Variants in COL4A3 observed in about 807,000 individuals in gnomAD.
COL4A3 encodes collagen type IV alpha 3 chain, also known as collagen alpha-3(IV) chain.
Under a neutral mutation model 217.4 loss-of-function variants are expected in COL4A3, and 135 were observed. The ratio of observed to expected loss-of-function variants is 0.62; its 90% CI spans 0.54 to 0.72. The LOEUF is 0.72. COL4A3 is among the 30% of genes least tolerant of loss of function. The pLI is 0.00. For missense variants in COL4A3, 1,868 were observed against 2,119.9 expected (o/e 0.88, Z 2.33); for synonymous variants, 690 against 736.3 (o/e 0.94, Z 1.02).
chr2:227,218,988 C>T (rs887636146), intron 1 of COL4A3, among the ~76,000 whole-genome samples: 11 of 145,948 alleles, frequency 7.5e-5, no homozygotes, highest in South Asian at 2.1e-4. Context: ...TCTCTATCCT[C>T]AGTCCCATTA....
chr2:227,313,010 A>G lies in COL4A3; in HGVS notation c.*1140A>G, dbSNP rs2073797888. The G allele has an allele frequency of 6.6e-6, 1 of 152,362 alleles. No homozygotes were observed. 9.4% of individuals were successfully genotyped at this position (152,362 alleles called of 1,614,324 possible). A position where few individuals can be genotyped will look rare whatever the true frequency, so the allele number is the denominator to read the frequency against. ...AAGAGTCCATTGTTTAAAAATCTTA[A>G]TGTATCAAACTGTATAACTTGGCCG... On this transcript the variant is annotated 3_prime_UTR_variant, in exon 52 of 52. Coordinates refer to ENST00000396578, the MANE Select transcript of COL4A3 (RefSeq NM_000091.5).
At chr2:227,188,225 T>TAAA (rs200780338) in intron 1 of COL4A3, among the ~76,000 whole-genome samples, 1 of 148,412 alleles carries the variant, frequency 6.7e-6, no homozygotes, top group African/African-American at 2.5e-5. Flanking sequence ...AAGGACTTTG[T>TAAA]AAAAAAAAAA....
chr2:227,198,290 T>A (rs2066558557), intron 1 of COL4A3, among the ~76,000 whole-genome samples: 1 of 152,240 alleles, frequency 6.6e-6, no homozygotes, highest in Non-Finnish European at 1.5e-5. Flanking sequence ...CAGGATTTAA[T>A]CAAGCTTGGA....
chr2:227,279,557 C>A, intron 28 of COL4A3: 1 of 510,764 alleles, frequency 2.0e-6, no homozygotes, highest in Non-Finnish European at 3.5e-6. Flanking sequence ...TGAAGAATTG[C>A]TGAATCAAAA....
At chr2:227,264,708 A>G (rs1263596917) in intron 21 of COL4A3, 1 of 152,202 alleles carries the variant, frequency 6.6e-6, no homozygotes, top group Non-Finnish European at 1.5e-5. Context: ...CTATAATCCC[A>G]GCTTCTTCCA....
At chr2:227,224,620 C>T (rs1318810808) in intron 1 of COL4A3, among the ~76,000 whole-genome samples, 5 of 151,966 alleles carry the variant, frequency 3.3e-5, no homozygotes, top group Non-Finnish European at 4.4e-5. Flanking sequence ...GGTGAGGTGG[C>T]GGCAGGCGCC....
In COL4A3 at chr2:227,241,274, T is replaced by C. The variant is rs548841050; in HGVS notation, c.234+1042T>C. 2.7e-4 allele frequency among the ~76,000 whole-genome samples: 41 copies of C among 152,318 alleles called. No individual in the cohort carries two copies. In the South Asian group the frequency reaches 6.6e-3, roughly 25 times the overall value. ...GCTTCTCACGCACCCACACATTCAT[T>C]CCCCTGACTACTGACCTCCAGCAAG... On this transcript the variant is annotated intron_variant, in intron 3 of 51. Transcript: ENST00000396578.
Position 227,314,591 on chromosome 2 carries a change from T to C in COL4A3, c.*2721T>C, listed in dbSNP as rs1046920267. ...ATGGCTAACTTACAAAGATTCTCTATGTATCAAATGTAACTTACTGCGACT... is the reference window on the plus strand; with the variant it reads ...ATGGCTAACTTACAAAGATTCTCTACGTATCAAATGTAACTTACTGCGACT... On this transcript the variant is annotated 3_prime_UTR_variant, in exon 52 of 52. Coordinates refer to ENST00000396578, the MANE Select transcript of COL4A3 (RefSeq NM_000091.5). 2.0e-5 allele frequency: 3 copies of C among 152,572 alleles called. No homozygotes were observed. Among genetic ancestry groups the C allele is most frequent in the African/African-American group, 7.2e-5 (3 of 41,442 alleles). 9.5% of individuals were successfully genotyped at this position (152,572 alleles called of 1,614,324 possible). A position where few individuals can be genotyped will look rare whatever the true frequency, so the allele number is the denominator to read the frequency against.
At chr2:227,310,315 C>T (rs1488609896) in intron 50 of COL4A3, among the ~76,000 whole-genome samples, 2 of 152,156 alleles carry the variant, frequency 1.3e-5, no homozygotes, top group Non-Finnish European at 2.9e-5. Context: ...GTCGCCCAGG[C>T]TGGAGTGCAG....
chr2:227,275,345 T>A (rs757235387), intron 26 of COL4A3, among the ~76,000 whole-genome samples: 33 of 152,158 alleles, frequency 2.2e-4, no homozygotes, highest in Non-Finnish European at 3.7e-4. Flanking sequence ...CAGGCCTGAT[T>A]AATTTTTGTA....
chr2:227,266,235 A>G (rs1313315043), intron 21 of COL4A3, among the ~76,000 whole-genome samples, 182 bp from the exon 22 acceptor site: 2 of 152,174 alleles, frequency 1.3e-5, no homozygotes, highest in Non-Finnish European at 2.9e-5. Flanking sequence ...AAAATACCAC[A>G]TCTATGTAAT....
At chr2:227,301,654 A>T (rs1043852572) in intron 43 of COL4A3, 5 of 152,198 alleles carry the variant, frequency 3.3e-5, no homozygotes, top group Non-Finnish European at 7.3e-5. Flanking sequence ...TCCTCTGGTG[A>T]TTTCGTGGTC....
rs1382516119 is a variant in COL4A3, at chr2:227,290,813, T to C, written c.3137T>C (p.Ile1046Thr). Residue 1046 changes from isoleucine to threonine, a missense_variant, in exon 37 of 52, where the codon ATT becomes ACT. By Grantham distance (89) the Ile-to-Thr change is moderately conservative. This residue lies in a region of COL4A3 where 1,503 missense variants were observed against 1,786.1 expected (regional missense o/e 0.84). Transcript: ENST00000396578. ...GRAGRPGLPGIHGLQGDKGEP... is the reference protein window; with the variant it reads ...GRAGRPGLPGTHGLQGDKGEP... ...GCAGGAAGACCAGGCCTCCCAGGTA[T>C]TCATGGTCTCCAGGGAGATAAGGGA... 3 of 1,613,742 alleles carry C rather than the reference T, an allele frequency of 1.9e-6. No homozygotes were observed. The highest frequency in any genetic ancestry group is 1.7e-5 in the Admixed American group (1 of 60,018).
At chr2:227,216,232 C>T (rs565430093) in intron 1 of COL4A3, among the ~76,000 whole-genome samples, 68 of 152,154 alleles carry the variant, frequency 4.5e-4, no homozygotes, top group Non-Finnish European at 7.8e-4. Context: ...TGGCAAGGTG[C>T]ATCCTTCCAC....
chr2:227,238,388 G>A (rs2068821056), intron 2 of COL4A3, among the ~76,000 whole-genome samples: 1 of 151,742 alleles, frequency 6.6e-6, no homozygotes, highest in Admixed American at 6.6e-5. Flanking sequence ...CATTCACTTT[G>A]ACAGAAAATA....
At position 227,282,847 on chromosome 2, in the gene COL4A3, G is replaced by A. The variant is rs147298236; in HGVS notation, c.2656+315G>A. Reference sequence around the variant, plus strand: ...GGATATTGGTCTGTAGCGTTCTTGTGATGTCTTTGGTGTTGGTGTCAGAGT... The same window carrying A: ...GGATATTGGTCTGTAGCGTTCTTGTAATGTCTTTGGTGTTGGTGTCAGAGT... On this transcript the variant is annotated intron_variant, in intron 32 of 51. Transcript: ENST00000396578. The surrounding 1 kb of genome is among the most constrained non-coding windows in gnomAD (Gnocchi z 4.4). Among the ~76,000 whole-genome samples, 1,265 of 152,192 alleles carry A rather than the reference G, an allele frequency of 8.3e-3. 16 individuals are homozygous for A. Among genetic ancestry groups the A allele is most frequent in the African/African-American group, 0.028 (1,152 of 41,546 alleles).
Position 227,277,458 on chromosome 2 carries a change from G to T in COL4A3, c.2030G>T (p.Gly677Val). The part of the protein sequence containing the change: ...PGPQGPPGIP[G>V]SLGKCGDPGL... ...TGTATTTGTTTCTAAGGTATCCCTG[G>T]ATCCCTGGGGAAATGTGGAGATCCT... The change falls in exon 28 of 52, where the codon GGA (glycine) becomes GTA (valine). Residue 677 changes from glycine (G) to valine (V), a missense_variant. By Grantham distance (109) the Gly-to-Val change is moderately radical (BLOSUM62 -3). Around this residue, in one of 2 missense-constraint regions of COL4A3, gnomAD observed 1,503 missense variants for 1,786.1 expected, o/e 0.84. Transcript: ENST00000396578. 3.1e-6 allele frequency: 5 copies of T among 1,609,222 alleles called. No individual in the cohort carries two copies. Among genetic ancestry groups the T allele is most frequent in the Non-Finnish European group, 4.2e-6 (5 of 1,176,822 alleles).
chr2:227,254,179 G>A lies in COL4A3; in HGVS notation c.828+5G>A. The A allele has an allele frequency of 1.9e-6, 3 of 1,611,344 alleles. No individual in the cohort carries two copies. Among genetic ancestry groups the A allele is most frequent in the Non-Finnish European group, 2.5e-6 (3 of 1,177,740 alleles). On this transcript the variant is annotated splice_donor_5th_base_variant and intron_variant, in intron 14 of 51. Coordinates refer to ENST00000396578, the MANE Select transcript of COL4A3 (RefSeq NM_000091.5). ...CCTGGACCTCCTGGACCCTCAGTAG[G>A]TTATTTAAAGTTATATTGTCCCCAT...
rs72371878 is a variant in COL4A3, at chr2:227,282,275, A to AATATATAT, written c.2489-71_2489-64dup. ...AGACAGAGGGAGATTCCATCTTAAA[A>AATATATAT]ATATATATATATATATATATATATA... On this transcript the variant is annotated intron_variant, in intron 31 of 51. Coordinates refer to ENST00000396578, the MANE Select transcript of COL4A3 (RefSeq NM_000091.5). This position sits in a 1 kb window ranked among gnomAD's most constrained non-coding sequence, Gnocchi z 4.4. 226 of 354,514 alleles carry AATATATAT rather than the reference A, an allele frequency of 6.4e-4. 2 individuals are homozygous for AATATATAT. Among genetic ancestry groups the AATATATAT allele is most frequent in the African/African-American group, 4.8e-3 (193 of 40,018 alleles). The allele number at this position is 354,514 out of a possible 1,614,324, so 22.0% of individuals were successfully genotyped here.
Sources: allele counts gnomAD v4.1 joint callset (sites outside exome capture counted in the v4.1 genomes callset), GRCh38; gene constraint gnomAD v4.1.1; regional missense constraint gnomAD v4.1.1; non-coding constraint Gnocchi (gnomAD v3.1); transcripts MANE v1.5; gene names NCBI Gene and HGNC (gene_info 2026-07-23, HGNC 2026-07-21).